PAK3: variants seen among roughly 807,000 people sequenced by gnomAD.
The protein encoded by PAK3 is serine/threonine-protein kinase PAK 3.
Under a neutral mutation model 41.0 loss-of-function variants are expected in PAK3, and 4 were observed. The ratio of observed to expected loss-of-function variants is 0.10; its 90% CI spans 0.05 to 0.22. The LOEUF is 0.22. Among genes scored for constraint, PAK3 ranks in the 10% least tolerant of loss-of-function variants. The probability of loss-of-function intolerance (pLI) is 1.00; values close to 1 mark genes in which losing one functional copy is unlikely to be tolerated. For synonymous variants in PAK3, 146 were observed against 139.6 expected (o/e 1.05, Z -0.32); for missense variants, 205 against 409.9 (o/e 0.50, Z 4.32).
chrX:111,155,604 G>A (rs1312026648), intron 8 of PAK3, among the ~76,000 whole-genome samples: 2 of 111,146 alleles, frequency 1.8e-5, no homozygotes, highest in Non-Finnish European at 3.8e-5. Flanking sequence ...AGCTGGGGAG[G>A]GAAAGGGAAG....
intron 10 of PAK3, among the ~76,000 whole-genome samples, chrX:111,166,506 C>A (rs187147500): frequency 7.8e-4 from 87 of 110,944 alleles, no homozygotes; most frequent in Non-Finnish European, 1.1e-4. Context: ...TGCTGTGTTG[C>A]CCAGGCTGGT....
At position 111,029,336 on chromosome X, in the gene PAK3, G is replaced by T. The variant is rs1216342985; in HGVS notation, c.-28+84708G>T. On this transcript the variant is annotated intron_variant, in intron 1 of 14. Coordinates refer to the PAK3 transcript ENST00000425146. ...ACCCTGGAACCATATGGGAGTTAGG[G>T]TTGCCAAGCCCCCACACAGTAAAAA... 3.6e-5 allele frequency among the ~76,000 whole-genome samples: 4 copies of T among 111,234 alleles called. No homozygotes were observed. The East Asian group carries it at 1.1e-3, about 32-fold the overall frequency.
At chrX:111,030,691 A>T (rs2092329949) in intron 1 of PAK3, among the ~76,000 whole-genome samples, 1 of 111,029 alleles carries the variant, frequency 9.0e-6, no homozygotes, top group Non-Finnish European at 1.9e-5. Flanking sequence ...CTAGACTGAG[A>T]AAAAGGAAAA....
intron 11 of PAK3, among the ~76,000 whole-genome samples, chrX:111,180,535 A>G (rs2094453047): frequency 8.9e-6 from 1 of 112,325 alleles, no homozygotes; most frequent in African/African-American, 3.2e-5. Flanking sequence ...GATTTTTATA[A>G]GAACTTGCAT....
chrX:110,944,972 G>C (rs963429341), intron 1 of PAK3, among the ~76,000 whole-genome samples: 5 of 112,075 alleles, frequency 4.5e-5, no homozygotes, highest in African/African-American at 1.6e-4. Flanking sequence ...GAGATGGATG[G>C]AGATGATCCA....
intron 4 of PAK3, 131 bp from the exon 5 acceptor site, chrX:111,122,946 A>C (rs2093599683): frequency 5.8e-6 from 3 of 516,848 alleles, no homozygotes; most frequent in Non-Finnish European, 1.0e-5. Flanking sequence ...ACCCCTAAAA[A>C]CGATCCTCAC....
chrX:111,155,832 A>G (rs1425276770), intron 8 of PAK3, among the ~76,000 whole-genome samples: 4 of 111,813 alleles, frequency 3.6e-5, no homozygotes, highest in Non-Finnish European at 5.6e-5. Flanking sequence ...TAGAGCAAGG[A>G]AACAAGGAAT....
At chrX:110,949,707 A>G (rs912102398) in intron 1 of PAK3, among the ~76,000 whole-genome samples, 10 of 111,259 alleles carry the variant, frequency 9.0e-5, no homozygotes, top group Non-Finnish European at 1.1e-4. Flanking sequence ...CAGGGAGTAG[A>G]GTGGAATTTC....
intron 5 of PAK3, among the ~76,000 whole-genome samples, chrX:111,141,302 T>A (rs886322306): frequency 8.9e-6 from 1 of 111,926 alleles, no homozygotes; most frequent in African/African-American, 3.2e-5. Flanking sequence ...TATTTATAAT[T>A]ATGTAACTAT....
chrX:110,958,085 G>A (rs929339606), intron 1 of PAK3, among the ~76,000 whole-genome samples: 1 of 111,748 alleles, frequency 8.9e-6, no homozygotes, highest in African/African-American at 3.3e-5. Flanking sequence ...CCTAAGCTGA[G>A]GCCTGAAACG....
chrX:111,128,102 G>A (rs1363599036), intron 5 of PAK3, among the ~76,000 whole-genome samples: 2 of 112,376 alleles, frequency 1.8e-5, no homozygotes, highest in Admixed American at 9.4e-5. Context: ...GTGAGGCTGC[G>A]AGGCTGCATT....
chrX:111,001,094 C>G lies in PAK3; in HGVS notation c.-28+56466C>G, dbSNP rs763022154. Among the ~76,000 whole-genome samples, 4 of 111,901 alleles carry G rather than the reference C, an allele frequency of 3.6e-5. No homozygotes were observed. The South Asian group carries it at 1.5e-3, about 42-fold the overall frequency. On this transcript the variant is annotated intron_variant, in intron 1 of 14. Coordinates refer to the PAK3 transcript ENST00000425146. ...GGTGCTGAGGGCATGGAATGCCTGC[C>G]CAGTTTAAAGAACCACAGGAAGCCT...
intron 1 of PAK3, among the ~76,000 whole-genome samples, chrX:111,017,627 G>T (rs2092111666): frequency 1.8e-5 from 2 of 111,589 alleles, no homozygotes; most frequent in Non-Finnish European, 1.9e-5. Flanking sequence ...GAAAAGCCAA[G>T]ATCCAATGGG....
rs755066995 is a variant in PAK3 at position 111,101,699 on chromosome X, C to T, written c.-175-1460C>T. Among the ~76,000 whole-genome samples, 4 of 111,792 alleles carry T rather than the reference C, an allele frequency of 3.6e-5. No individual in the cohort carries two copies. In the South Asian group the frequency reaches 1.5e-3, roughly 43 times the overall value. ...GCTTTGGCAGCTTGCACCCCTCTCC[C>T]CCTCACCCCACCCTCTTGCAGGGTG... On this transcript the variant is annotated intron_variant, in intron 3 of 17. Coordinates refer to ENST00000372007, the MANE Select transcript of PAK3 (RefSeq NM_002578.5).
chrX:111,223,311 A>T lies in PAK3; in HGVS notation c.*2864A>T. 9.1e-6 allele frequency: 1 copy of T among 110,138 alleles called. No individual in the cohort carries two copies. Among genetic ancestry groups the T allele is most frequent in the African/African-American group, 3.3e-5 (1 of 30,279 alleles). The allele number at this position is 110,138 out of a possible 1,213,427, so 9.1% of individuals were successfully genotyped here. A position where few individuals can be genotyped will look rare whatever the true frequency, so the allele number is the denominator to read the frequency against. ...AAGCACAGTAGAGATTATTTATTTA[A>T]AAAAGGAAAGAACGTTAATGTTGTT... On this transcript the variant is annotated 3_prime_UTR_variant, in exon 18 of 18. Coordinates refer to ENST00000372007, the MANE Select transcript of PAK3 (RefSeq NM_002578.5).
At chrX:111,085,662 C>G (rs891199854) in intron 1 of PAK3, among the ~76,000 whole-genome samples, 2 of 111,671 alleles carry the variant, frequency 1.8e-5, no homozygotes, top group African/African-American at 6.5e-5. Flanking sequence ...TGCAATTTTT[C>G]TTCTCCAAAA....
In PAK3 at chrX:111,005,348, G is replaced by A. The variant is rs187698257; in HGVS notation, c.-28+60720G>A. ...GTCAGCTCCCCCTCAGACCCTCCAGGCTTTCCCTTTGTCTGCTAAGGGATG... is the reference window on the plus strand; with the variant it reads ...GTCAGCTCCCCCTCAGACCCTCCAGACTTTCCCTTTGTCTGCTAAGGGATG... On this transcript the variant is annotated intron_variant, in intron 1 of 14. Transcript: ENST00000425146. Among the ~76,000 whole-genome samples the A allele has an allele frequency of 3.6e-5, 4 of 111,568 alleles. No homozygotes were observed. In the East Asian group the frequency reaches 1.1e-3, roughly 32 times the overall value.
chrX:110,976,634 A>G (rs1183523480), intron 1 of PAK3, among the ~76,000 whole-genome samples: 2 of 112,048 alleles, frequency 1.8e-5, no homozygotes, highest in Non-Finnish European at 3.8e-5. Flanking sequence ...ACTGTAAATC[A>G]TGCTACTATA....
chrX:111,227,229 T>C lies in PAK3; in HGVS notation c.*6782T>C, dbSNP rs753716681. ...TTAAGGATTTTTGTTTTCAATATTG[T>C]TATTTTAAATTGTGGTTGAAGCAAT... On this transcript the variant is annotated 3_prime_UTR_variant, in exon 18 of 18. Coordinates refer to ENST00000372007, the MANE Select transcript of PAK3 (RefSeq NM_002578.5). The C allele has an allele frequency of 1.8e-5, 2 of 112,631 alleles. No individual in the cohort carries two copies. Among genetic ancestry groups the C allele is most frequent in the African/African-American group, 6.5e-5 (2 of 31,007 alleles). The allele number at this position is 112,631 out of a possible 1,213,427, so 9.3% of individuals were successfully genotyped here.
Sources: gnomAD v4.1 joint callset for allele counts (sites outside exome capture counted in the v4.1 genomes callset) on GRCh38, gnomAD v4.1.1 for gene constraint, MANE v1.5 for transcripts, NCBI Gene and HGNC (gene_info 2026-07-23, HGNC 2026-07-21) for gene names.